Variants in UTP14A observed in about 807,000 individuals in gnomAD.
UTP14A encodes the protein UTP14A small subunit processome component, also known as U3 small nucleolar RNA-associated protein 14 homolog A.
In UTP14A, 5 loss-of-function variants were observed where a neutral mutation model predicts 57.2. The observed-to-expected ratio is 0.09, with a 90% CI of 0.05 to 0.18. The LOEUF (loss-of-function observed/expected upper bound fraction) is 0.18, where lower values mean the gene tolerates loss of function less well. Among genes scored for constraint, UTP14A ranks in the 10% least tolerant of loss-of-function variants. The pLI is 1.00. For missense variants in UTP14A, 430 were observed against 562.1 expected (o/e 0.76, Z 2.38); for synonymous variants, 169 against 210.9 (o/e 0.80, Z 1.72).
chrX:129,910,906 C>CA (rs1278005707), intron 4 of UTP14A, 102 bp from the exon 5 acceptor site: 6 of 1,019,906 alleles, frequency 5.9e-6, no homozygotes, highest in Admixed American at 5.6e-5. Flanking sequence ...CTTCTCTGCA[C>CA]ATTTGCCATC....
In UTP14A at chrX:129,908,681, C is replaced by T. The variant is rs1447638425; in HGVS notation, c.185C>T (p.Ala62Val). ...SLDGKNRRKL[A>V]ERSEASLKVS... ...TTGCCTAATTTCAGGCGGAAATTGG[C>T]TGAGAGGTCTGAGGCTAGTCTGAAG... Residue 62 changes from alanine (A) to valine (V), a missense_variant, in exon 4 of 15, where the codon GCT becomes GTT. Coordinates refer to ENST00000394422, the MANE Select transcript of UTP14A (RefSeq NM_006649.4). 1 of 1,209,372 alleles carries T rather than the reference C, an allele frequency of 8.3e-7. No homozygotes were observed. The highest frequency in any genetic ancestry group is 1.7e-5 in the African/African-American group (1 of 57,226).
intron 6 of UTP14A, among the ~76,000 whole-genome samples, chrX:129,916,612 G>A (rs909322218): frequency 2.7e-5 from 3 of 111,100 alleles, no homozygotes; most frequent in South Asian, 3.8e-4. Context: ...TGCCCTAATC[G>A]AGGCCCTCAT....
chrX:129,909,837 T>C lies in UTP14A; in HGVS notation c.238+1103T>C, dbSNP rs185881161. The stretch of plus-strand genomic sequence containing the variant: ...TGGGTCTTGCATTTGTAGTAATCAC[T>C]GGTGTAGCCTCCTAGGGCAAATAAC... On this transcript the variant is annotated intron_variant, in intron 4 of 14. Coordinates refer to ENST00000394422, the MANE Select transcript of UTP14A (RefSeq NM_006649.4). Among the ~76,000 whole-genome samples, 6 of 112,198 alleles carry C rather than the reference T, an allele frequency of 5.3e-5. No homozygotes were observed. In the East Asian group the frequency reaches 1.7e-3, roughly 31 times the overall value.
intron 3 of UTP14A, among the ~76,000 whole-genome samples, 173 bp downstream of exon 3, chrX:129,908,303 A>G (rs1057462208): frequency 3.6e-5 from 4 of 112,167 alleles, no homozygotes; most frequent in Non-Finnish European, 7.5e-5. Flanking sequence ...TATTGTAAGC[A>G]TTTGCAGTCT....
intron 11 of UTP14A, 132 bp downstream of exon 11, chrX:129,921,719 A>C: frequency 1.5e-6 from 1 of 654,592 alleles, no homozygotes; most frequent in Non-Finnish European, 2.2e-6. Flanking sequence ...GAGTGCGTAC[A>C]CTGGATCCCT....
At chrX:129,920,176 G>A (rs780441877) in intron 8 of UTP14A, among the ~76,000 whole-genome samples, 2 of 108,577 alleles carry the variant, frequency 1.8e-5, no homozygotes, top group Non-Finnish European at 3.8e-5. Context: ...GTGACAGAGT[G>A]AGACCCTGTC....
intron 6 of UTP14A, among the ~76,000 whole-genome samples, chrX:129,915,321 C>G (rs1929642055): frequency 9.0e-6 from 1 of 111,420 alleles, no homozygotes; most frequent in Non-Finnish European, 1.9e-5. Context: ...GTCAGGAGAT[C>G]GAGACCATCC....
chrX:129,915,114 C>A (rs1350521944), intron 6 of UTP14A, among the ~76,000 whole-genome samples: 3 of 112,227 alleles, frequency 2.7e-5, no homozygotes, highest in African/African-American at 9.7e-5. Context: ...ACTCAAGAGG[C>A]TGAGGCACCA....
In UTP14A at chrX:129,906,254, G is replaced by T; in HGVS notation, c.26+18G>T. The T allele has an allele frequency of 1.7e-6, 2 of 1,198,835 alleles. No homozygotes were observed. Among genetic ancestry groups the T allele is most frequent in the South Asian group, 1.8e-5 (1 of 56,259 alleles). ...GCAGAGAGGTGAAGGGCAACGAGGGGAGGGGGGATTCTGGGTCTCGTTGGG... is the reference window on the plus strand; with the variant it reads ...GCAGAGAGGTGAAGGGCAACGAGGGTAGGGGGGATTCTGGGTCTCGTTGGG... On this transcript the variant is annotated intron_variant, in intron 1 of 14. Transcript: ENST00000394422.
intron 6 of UTP14A, among the ~76,000 whole-genome samples, chrX:129,912,302 G>A (rs1322585559): frequency 9.3e-6 from 1 of 107,425 alleles, no homozygotes; most frequent in Non-Finnish European, 1.9e-5. Context: ...TGGATTTTTA[G>A]TAGAGATGGG....
At chrX:129,908,800 C>T (rs1346453572) in intron 4 of UTP14A, 66 bp downstream of exon 4, 1 of 1,021,835 alleles carries the variant, frequency 9.8e-7, no homozygotes, top group Admixed American at 2.2e-5. Flanking sequence ...TTGTGTTCAC[C>T]TCACCCCCCC....
chrX:129,919,512 G>A (rs763166350), intron 8 of UTP14A, 23 bp downstream of exon 8: 1 of 1,198,409 alleles, frequency 8.3e-7, no homozygotes, highest in South Asian at 1.8e-5. Flanking sequence ...CTGTGAACTG[G>A]CCTTGGGTTC....
At position 129,929,290 on chromosome X, in the gene UTP14A, G is replaced by A. The variant is rs368672113; in HGVS notation, c.2044-46G>A. On this transcript the variant is annotated intron_variant, in intron 14 of 14. Transcript: ENST00000394422. Reference sequence around the variant, plus strand: ...AAAGCTGCCATTACAGTATACAACTGCACCCCAGGCCTGCCTCATACCAAA... The same window carrying A: ...AAAGCTGCCATTACAGTATACAACTACACCCCAGGCCTGCCTCATACCAAA... 489 of 1,186,934 alleles carry A rather than the reference G, an allele frequency of 4.1e-4. 1 individual carries two copies. The highest frequency in any genetic ancestry group is 5.3e-4 in the Non-Finnish European group (471 of 881,321).
At chrX:129,920,321 C>G in intron 8 of UTP14A, 136 bp from the exon 9 acceptor site, 1 of 889,128 alleles carries the variant, frequency 1.1e-6, no homozygotes, top group Non-Finnish European at 1.6e-6. Flanking sequence ...CCCAAACTGA[C>G]TCCCTATAGC....
intron 12 of UTP14A, among the ~76,000 whole-genome samples, chrX:129,925,654 A>T (rs146154495): frequency 2.9e-4 from 33 of 112,489 alleles, no homozygotes; most frequent in African/African-American, 1.1e-3. Context: ...TCCTGCTGCT[A>T]ACACGGGCCA....
At position 129,907,942 on chromosome X, in the gene UTP14A, C is replaced by T. The variant is rs775189131; in HGVS notation, c.103-118C>T. 200 of 634,550 alleles carry T rather than the reference C, an allele frequency of 3.2e-4. 1 individual carries two copies. Among genetic ancestry groups the T allele is most frequent in the African/African-American group, 1.9e-3 (82 of 43,573 alleles). 52.3% of individuals were successfully genotyped at this position (634,550 alleles called of 1,213,427 possible). ...CTGCACTCCATCCTGGGCAACAGAGCGAGACGCCGTCTCAAAAATAAATAA... is the reference window on the plus strand; with the variant it reads ...CTGCACTCCATCCTGGGCAACAGAGTGAGACGCCGTCTCAAAAATAAATAA... On this transcript the variant is annotated intron_variant, in intron 2 of 14. Transcript: ENST00000394422.
At chrX:129,911,190 T>G in intron 5 of UTP14A, 40 bp downstream of exon 5, 2 of 1,170,251 alleles carry the variant, frequency 1.7e-6, no homozygotes. Context: ...GGAAAGAAAT[T>G]GAATTGACAA....
intron 6 of UTP14A, among the ~76,000 whole-genome samples, chrX:129,917,791 C>T (rs763566119): frequency 1.5e-4 from 17 of 110,464 alleles, no homozygotes; most frequent in Admixed American, 7.7e-4. Flanking sequence ...CTCAGCCTCC[C>T]GAAGTGCTGG....
intron 14 of UTP14A, among the ~76,000 whole-genome samples, chrX:129,928,451 G>A (rs1007787501): frequency 9.6e-6 from 1 of 104,059 alleles, no homozygotes; most frequent in South Asian, 4.4e-4. Context: ...TTCAGGATTC[G>A]GGTTCCTTAA....
Sources: gnomAD v4.1 joint callset for allele counts (sites outside exome capture counted in the v4.1 genomes callset) on GRCh38, gnomAD v4.1.1 for gene constraint, MANE v1.5 for transcripts, NCBI Gene and HGNC (gene_info 2026-07-23, HGNC 2026-07-21) for gene names.